CAMK2D: variants seen among roughly 807,000 people sequenced by gnomAD.
CAMK2D encodes the protein calcium/calmodulin dependent protein kinase II delta, also known as calcium/calmodulin-dependent protein kinase type II subunit delta.
Under a neutral mutation model 84.0 loss-of-function variants are expected in CAMK2D, and 37 were observed. The observed-to-expected ratio is 0.44, with a 90% CI of 0.34 to 0.58. The LOEUF (loss-of-function observed/expected upper bound fraction) is 0.58. Ranked by LOEUF, CAMK2D falls within the 20% of genes least tolerant of loss-of-function variation. The pLI is 0.02. For missense variants in CAMK2D, 448 were observed against 652.5 expected, an observed-to-expected ratio of 0.69 and a Z score of 3.41; for synonymous variants, 202 against 212.5, an observed-to-expected ratio of 0.95 and a Z score of 0.43.
At chr4:113,499,079 A>G (rs2097990041) in intron 16 of CAMK2D, among the ~76,000 whole-genome samples, 1 of 152,194 alleles carries the variant, frequency 6.6e-6, no homozygotes, top group Non-Finnish European at 1.5e-5. Context: ...CTTAGCTTAA[A>G]GAGCTAATGA....
intron 2 of CAMK2D, among the ~76,000 whole-genome samples, chr4:113,707,505 T>A (rs1177344934): frequency 6.6e-6 from 1 of 152,172 alleles, no homozygotes; most frequent in Non-Finnish European, 1.5e-5. Context: ...TTTGGGTTAC[T>A]AAGGAAAATT....
intron 6 of CAMK2D, among the ~76,000 whole-genome samples, chr4:113,545,141 A>G (rs2098557132): frequency 6.6e-6 from 1 of 152,156 alleles, no homozygotes; most frequent in Admixed American, 6.5e-5. Flanking sequence ...CTTTTGGTTG[A>G]CCTTCATTCA....
At chr4:113,648,308 C>T (rs2154299510) in intron 3 of CAMK2D, among the ~76,000 whole-genome samples, 1 of 152,120 alleles carries the variant, frequency 6.6e-6, no homozygotes, top group Non-Finnish European at 1.5e-5. Context: ...AAGAAAATGG[C>T]TGTTGTTATT....
At chr4:113,507,272 T>C (rs1005217956) in intron 13 of CAMK2D, among the ~76,000 whole-genome samples, 1 of 151,858 alleles carries the variant, frequency 6.6e-6, no homozygotes, top group African/African-American at 2.4e-5. Flanking sequence ...TTCTTTGAGA[T>C]GGAGTTTCGC....
Position 113,503,012 on chromosome 4 carries a change from G to A in CAMK2D, c.1045-35C>T, listed in dbSNP as rs761232361. 10 of 1,466,274 alleles carry A rather than the reference G, an allele frequency of 6.8e-6. No individual in the cohort carries two copies. In the Admixed American group the frequency reaches 8.4e-5, roughly 12 times the overall value. 90.8% of individuals were successfully genotyped at this position (1,466,274 alleles called of 1,614,324 possible). On this transcript the variant is annotated intron_variant, in intron 14 of 20. Coordinates refer to ENST00000511664, the MANE Select transcript of CAMK2D (RefSeq NM_001321571.2). ...AACAAAATAGAGAAAGAAACAGTTC[G>A]CATTGGTAAGTACATTCTTTCTAGT...
At chr4:113,717,593 TA>T (rs572091905) in intron 2 of CAMK2D, among the ~76,000 whole-genome samples, 14 of 152,138 alleles carry the variant, frequency 9.2e-5, no homozygotes, top group Admixed American at 3.3e-4. Context: ...TAAAGGCAAA[TA>T]CCTTTTTGTG....
At chr4:113,576,602 A>T (rs2098783889) in intron 4 of CAMK2D, among the ~76,000 whole-genome samples, 1 of 152,148 alleles carries the variant, frequency 6.6e-6, no homozygotes. Context: ...TATGATTATT[A>T]ATCTTAATTT....
intron 2 of CAMK2D, among the ~76,000 whole-genome samples, chr4:113,755,700 T>C (rs1265307405): frequency 6.6e-6 from 1 of 152,010 alleles, no homozygotes; most frequent in Non-Finnish European, 1.5e-5. Flanking sequence ...GTCACAGCTC[T>C]TCTTGGACTT....
chr4:113,591,948 C>T (rs1221969555), intron 4 of CAMK2D, among the ~76,000 whole-genome samples: 1 of 152,132 alleles, frequency 6.6e-6, no homozygotes, highest in Non-Finnish European at 1.5e-5. Context: ...CTTGTCTCTA[C>T]TAGGTTGTAA....
At chr4:113,664,991 A>G (rs892327416) in intron 2 of CAMK2D, among the ~76,000 whole-genome samples, 1 of 152,158 alleles carries the variant, frequency 6.6e-6, no homozygotes, top group African/African-American at 2.4e-5. Flanking sequence ...TTTGGTAGAG[A>G]TGTGGTTTCA....
At chr4:113,702,353 T>C (rs2099422043) in intron 2 of CAMK2D, among the ~76,000 whole-genome samples, 1 of 152,184 alleles carries the variant, frequency 6.6e-6, no homozygotes, top group South Asian at 2.1e-4. Context: ...ATTTTTTATT[T>C]ACAATCCTTT....
At chr4:113,636,447 A>T (rs1320482263) in intron 3 of CAMK2D, among the ~76,000 whole-genome samples, 1 of 152,208 alleles carries the variant, frequency 6.6e-6, no homozygotes, top group African/African-American at 2.4e-5. Context: ...TTCAACCAGA[A>T]GTCAGATCAG....
chr4:113,535,958 C>A (rs950333102), intron 7 of CAMK2D, among the ~76,000 whole-genome samples: 1 of 152,174 alleles, frequency 6.6e-6, no homozygotes, highest in African/African-American at 2.4e-5. Context: ...TTGCTTTGCC[C>A]ATCTCTGTGA....
In CAMK2D at chr4:113,556,885, G is replaced by A. The variant is rs146055183; in HGVS notation, c.276-4789C>T. 7.5e-4 allele frequency among the ~76,000 whole-genome samples: 114 copies of A among 152,266 alleles called. 1 individual carries two copies. The East Asian group carries it at 0.021, about 28-fold the overall frequency. ...TTGTCTCTTCAGCACCTTACACAAT[G>A]CCTGGCTCACAGGAAGAGCTTAATA... is the stretch of plus-strand genomic sequence containing the variant. On this transcript the variant is annotated intron_variant, in intron 4 of 20. Transcript: ENST00000511664.
chr4:113,489,986 G>A (rs78772487), intron 16 of CAMK2D, among the ~76,000 whole-genome samples: 69,125 of 149,498 alleles, frequency 0.46, 16,590 homozygotes, highest in African/African-American at 0.58. Flanking sequence ...TTTTGATGGG[G>A]TTGTTTGTTT....
At chr4:113,551,291 T>C (rs562219678) in intron 5 of CAMK2D, among the ~76,000 whole-genome samples, 13 of 152,174 alleles carry the variant, frequency 8.5e-5, no homozygotes, top group Non-Finnish European at 1.6e-4. Flanking sequence ...GACAAAAAAC[T>C]TAGCCTTTTT....
intron 8 of CAMK2D, among the ~76,000 whole-genome samples, chr4:113,526,926 T>C (rs1466260143): frequency 1.3e-5 from 2 of 149,784 alleles, no homozygotes; most frequent in Non-Finnish European, 3.0e-5. Flanking sequence ...TTTTTTTTAC[T>C]GTACTTTGCA....
At chr4:113,638,559 A>G (rs2099119173) in intron 3 of CAMK2D, among the ~76,000 whole-genome samples, 1 of 152,190 alleles carries the variant, frequency 6.6e-6, no homozygotes, top group Non-Finnish European at 1.5e-5. Context: ...AGTTAAAGGT[A>G]GAATGCAGTT....
chr4:113,482,423 C>T (rs1309121704), intron 16 of CAMK2D, among the ~76,000 whole-genome samples: 1 of 152,082 alleles, frequency 6.6e-6, no homozygotes, highest in African/African-American at 2.4e-5. Flanking sequence ...GTTAAAAGCA[C>T]TAGAATATAA....
Sources: allele counts gnomAD v4.1 joint callset (sites outside exome capture counted in the v4.1 genomes callset), GRCh38; gene constraint gnomAD v4.1.1; transcripts MANE v1.5; gene names NCBI Gene and HGNC (gene_info 2026-07-23, HGNC 2026-07-21).